The following SBNO2 variants were observed in gnomAD, a reference collection of about 807,000 sequenced individuals.
SBNO2 encodes the protein strawberry notch homolog 2.
In SBNO2, 89 loss-of-function variants were observed where a neutral mutation model predicts 146.3. The ratio of observed to expected loss-of-function variants is 0.61; its 90% CI spans 0.51 to 0.73. The LOEUF (loss-of-function observed/expected upper bound fraction) is 0.73. Ranked by LOEUF, SBNO2 falls within the 30% of genes least tolerant of loss-of-function variation. The probability of loss-of-function intolerance (pLI) is 0.00; values close to 1 mark genes in which losing one functional copy is unlikely to be tolerated. For synonymous variants in SBNO2, 1,147 were observed against 892.6 expected (o/e 1.29, Z -5.08); for missense variants, 2,092 against 2,003.7 (o/e 1.04, Z -0.84).
At chr19:1,161,902 G>A (rs1291188065) in intron 1 of SBNO2, among the ~76,000 whole-genome samples, 1 of 109,322 alleles carries the variant, frequency 9.1e-6, no homozygotes, top group African/African-American at 3.6e-5. Context: ...TCCCTGGGGA[G>A]CCGCGGGGGG....
At chr19:1,166,058 ACCCCAGAC>A in intron 1 of SBNO2, among the ~76,000 whole-genome samples, 2 of 99,064 alleles carry the variant, frequency 2.0e-5, no homozygotes, top group Non-Finnish European at 4.1e-5. Context: ...CAGATCCCAG[ACCCCAGAC>A]CCCCAGATCT....
chr19:1,163,512 C>T (rs2145339915), intron 1 of SBNO2, among the ~76,000 whole-genome samples: 1 of 152,360 alleles, frequency 6.6e-6, no homozygotes, highest in South Asian at 2.1e-4. Flanking sequence ...TGCTCCAGCC[C>T]TGAGCCCCAC....
chr19:1,151,306 G>A (rs2080240253), intron 2 of SBNO2, among the ~76,000 whole-genome samples: 1 of 152,238 alleles, frequency 6.6e-6, no homozygotes. Flanking sequence ...AAGGGGGCGG[G>A]GGGCTTGGGG....
rs774927432 is a variant in SBNO2 at position 1,112,362 on chromosome 19, G to T, written c.2515+40C>A. On this transcript the variant is annotated intron_variant, in intron 21 of 31. Transcript: ENST00000361757. The surrounding 1 kb of genome is among the most constrained non-coding windows in gnomAD (Gnocchi z 5.9). ...GGGGGCGGGGCCGAGACCATGTTGGGGGCGGGGCCAGGCAGCGCTGGGGGC... is the reference window on the plus strand; with the variant it reads ...GGGGGCGGGGCCGAGACCATGTTGGTGGCGGGGCCAGGCAGCGCTGGGGGC... 3 of 1,571,512 alleles carry T rather than the reference G, an allele frequency of 1.9e-6. No individual in the cohort carries two copies. The highest frequency in any genetic ancestry group is 4.6e-5 in the East Asian group (2 of 43,158).
rs376779590 is a variant in SBNO2, at chr19:1,147,418, G to T, written c.170C>A (p.Pro57Gln). 6.8e-7 allele frequency: 1 copy of T among 1,470,900 alleles called. No individual in the cohort carries two copies. The highest frequency in any genetic ancestry group is 9.0e-7 in the Non-Finnish European group (1 of 1,107,786). 91.1% of individuals were successfully genotyped at this position (1,470,900 alleles called of 1,614,324 possible). Residue 57 changes from proline (P) to glutamine (Q), a missense_variant and splice_region_variant, in exon 4 of 32, where the codon CCG (proline) becomes CAG (glutamine). Pro to Gln is a moderately conservative substitution (Grantham distance 76). Transcript: ENST00000361757. The stretch of plus-strand genomic sequence containing the variant: ...GAGGAAGGAGGCGGAGCTCATGAAC[G>T]GGCTGGAGGGAGATGGGGGGGGGGG... The part of the protein sequence containing the change: ...PYPAFSSDSR[P>Q]FMSSASFLGS...
Position 1,116,020 on chromosome 19 carries a change from C to T in SBNO2, c.1885+1G>A. The T allele has an allele frequency of 1.9e-6, 3 of 1,607,416 alleles. No individual in the cohort carries two copies. The highest frequency in any genetic ancestry group is 2.5e-6 in the Non-Finnish European group (3 of 1,178,236). The stretch of plus-strand genomic sequence containing the variant: ...GTGGGGCCATGGGGGGCAGGGCTTA[C>T]GTTTCCGCTTGCTGCCCGCTCCTCT... On this transcript the variant is annotated splice_donor_variant, in intron 17 of 31. Coordinates refer to ENST00000361757, the MANE Select transcript of SBNO2 (RefSeq NM_014963.3). LOFTEE classifies it high-confidence loss of function.
rs1168963715 is a variant in SBNO2 at position 1,108,337 on chromosome 19, G to A, written c.3984C>T (p.Pro1328=). Residue 1328 remains proline (P), a synonymous_variant, in exon 32 of 32, where the codon CCC becomes CCT. Coordinates refer to ENST00000361757, the MANE Select transcript of SBNO2 (RefSeq NM_014963.3). Reference sequence around the variant, plus strand: ...CGCCCTCCCCCAGCGCGCCCTCGGAGGGCGGCCCCGCGTGCAGCGAGCGCA... The same window carrying A: ...CGCCCTCCCCCAGCGCGCCCTCGGAAGGCGGCCCCGCGTGCAGCGAGCGCA... ...DMLRSLHAGP[P]SEGALGEGAG... is the part of the protein sequence containing the mutation. 1.9e-5 allele frequency: 26 copies of A among 1,334,498 alleles called. No individual in the cohort carries two copies. Among genetic ancestry groups the A allele is most frequent in the Non-Finnish European group, 2.4e-5 (25 of 1,040,184 alleles). The allele number at this position is 1,334,498 out of a possible 1,614,324, so 82.7% of individuals were successfully genotyped here.
At position 1,112,923 on chromosome 19, in the gene SBNO2, C is replaced by A; in HGVS notation, c.2274G>T (p.Val758=). ...AGGCCACCGTCCCGTCGGGCCTGGACACCACGCGGCCTTTCCTGCCGGTCA... is the reference window on the plus strand; with the variant it reads ...AGGCCACCGTCCCGTCGGGCCTGGAAACCACGCGGCCTTTCCTGCCGGTCA... ...AEMTGRKGRV[V]SRPDGTVAFE... Residue 758 remains valine (V), a synonymous_variant, in exon 20 of 32, where the codon GTG becomes GTT. Transcript: ENST00000361757. The surrounding 1 kb of genome is among the most constrained non-coding windows in gnomAD (Gnocchi z 5.9). The A allele has an allele frequency of 8.3e-6, 13 of 1,566,418 alleles. No homozygotes were observed. The highest frequency in any genetic ancestry group is 1.1e-5 in the Non-Finnish European group (13 of 1,157,210).
intron 5 of SBNO2, 133 bp downstream of exon 5, chr19:1,127,471 C>T (rs1488050572): frequency 2.7e-5 from 23 of 861,888 alleles, no homozygotes; most frequent in South Asian, 2.5e-4. Flanking sequence ...CCACAGATGG[C>T]GCCGACAGTG....
intron 19 of SBNO2, 128 bp from the exon 20 acceptor site, chr19:1,113,077 GTGCTGGGAAAGGGAGGGCGGGAC>G: frequency 8.6e-7 from 1 of 1,162,900 alleles, no homozygotes; most frequent in Non-Finnish European, 1.2e-6. Context: ...GGAGGTGGGG[GTGCTGGGAAAGGGAGGGCGGGAC>G]TGCTGGACCC....
Position 1,116,883 on chromosome 19 carries a change from C to A in SBNO2, c.1748G>T (p.Arg583Leu). The part of the protein sequence containing the change: ...GLQSTGEART[R>L]EVLGENDGHL... Reference sequence around the variant, plus strand: ...CCCATCGTTCTCCCCCAGCACCTCCCGCGTGCGCGCCTCGCCCGTGGACTG... The same window carrying A: ...CCCATCGTTCTCCCCCAGCACCTCCAGCGTGCGCGCCTCGCCCGTGGACTG... The change falls in exon 16 of 32, where the codon CGG (arginine) becomes CTG (leucine). Residue 583 changes from arginine (R) to leucine (L), a missense_variant. Physicochemically the swap from Arg to Leu is moderately radical, Grantham distance 102. Transcript: ENST00000361757. 6.3e-7 allele frequency: 1 copy of A among 1,582,738 alleles called. No homozygotes were observed.
At chr19:1,170,032 T>C (rs766232019) in intron 1 of SBNO2, among the ~76,000 whole-genome samples, 1 of 152,204 alleles carries the variant, frequency 6.6e-6, no homozygotes, top group Non-Finnish European at 1.5e-5. Context: ...TGGACTGCCC[T>C]GCTCTGCACA....
At chr19:1,161,076 T>C (rs1294345993) in intron 1 of SBNO2, among the ~76,000 whole-genome samples, 1 of 109,516 alleles carries the variant, frequency 9.1e-6, no homozygotes, top group Non-Finnish European at 1.9e-5. Flanking sequence ...GGGGTGGGGG[T>C]GCCTGAGCAC....
rs144733552 is a variant in SBNO2, at chr19:1,144,239, C to T, written c.279+3070G>A. On this transcript the variant is annotated intron_variant, in intron 4 of 31. Transcript: ENST00000361757. This position sits in a 1 kb window ranked among gnomAD's most constrained non-coding sequence, Gnocchi z 4.1. Reference sequence around the variant, plus strand: ...CCACAGGACTGAGCTGACCCACACCCGTCCCATCCCACACTCAGCACTGGG... The same window carrying T: ...CCACAGGACTGAGCTGACCCACACCTGTCCCATCCCACACTCAGCACTGGG... 5.3e-5 allele frequency among the ~76,000 whole-genome samples: 8 copies of T among 151,962 alleles called. No individual in the cohort carries two copies. In the East Asian group the frequency reaches 7.8e-4, roughly 15 times the overall value.
rs2079704602 is a variant in SBNO2 at position 1,108,565 on chromosome 19, G to C, written c.3756C>G (p.Gly1252=). ...AGGTGAGGTCCAGCACCTCTCCGGG[G>C]CCGCAAGGCAGCGCCAGCGGGCGCG... is the stretch of plus-strand genomic sequence containing the variant. ...PAPRPLALPC[G]PGEVLDLTYS... Residue 1252 remains glycine (G), a synonymous_variant, in exon 32 of 32, where the codon GGC becomes GGG. Transcript: ENST00000361757. 1.6e-6 allele frequency: 2 copies of C among 1,240,796 alleles called. No individual in the cohort carries two copies. The highest frequency in any genetic ancestry group is 1.6e-5 in the African/African-American group (1 of 61,766). The allele number at this position is 1,240,796 out of a possible 1,614,324, so 76.9% of individuals were successfully genotyped here.
Position 1,122,263 on chromosome 19 carries a change from G to C in SBNO2, c.1025C>G (p.Thr342Ser). ...GGCGAAGAGGACGCCCTCTGAGGTA[G>C]TGGTGTCACCGTACTTGATCTGGGG... is the stretch of plus-strand genomic sequence containing the variant. ...ALSKIKYGDTTTSEGVLFATY... is the reference protein window; with the variant it reads ...ALSKIKYGDTSTSEGVLFATY... The change falls in exon 11 of 32, where the codon ACT becomes AGT. Residue 342 changes from threonine (T) to serine (S), a missense_variant. By Grantham distance (58) the Thr-to-Ser change is moderately conservative. Coordinates refer to ENST00000361757, the MANE Select transcript of SBNO2 (RefSeq NM_014963.3). 1 of 1,574,960 alleles carries C rather than the reference G, an allele frequency of 6.3e-7. No homozygotes were observed. The highest frequency in any genetic ancestry group is 8.6e-7 in the Non-Finnish European group (1 of 1,160,174).
intron 4 of SBNO2, 109 bp from the exon 5 acceptor site, chr19:1,127,874 G>T: frequency 9.7e-7 from 1 of 1,034,082 alleles, no homozygotes; most frequent in Non-Finnish European, 1.4e-6. Flanking sequence ...ACACACTGGA[G>T]CATGTGGGAA....
At chr19:1,167,723 TG>T (rs898060093) in intron 1 of SBNO2, among the ~76,000 whole-genome samples, 1 of 151,190 alleles carries the variant, frequency 6.6e-6, no homozygotes, top group Non-Finnish European at 1.5e-5. Flanking sequence ...CTCCAGGGGG[TG>T]GGGGGGACGG....
chr19:1,108,480 ACAGCGGCGCCGGGAAAGAGAAGTG>A lies in SBNO2; in HGVS notation c.3817_3840del (p.His1273_Leu1280del). 1 of 1,220,818 alleles carries A rather than the reference ACAGCGGCGCCGGGAAAGAGAAGTG, an allele frequency of 8.2e-7. No homozygotes were observed. The highest frequency in any genetic ancestry group is 1.0e-6 in the Non-Finnish European group (1 of 977,122). 75.6% of individuals were successfully genotyped at this position (1,220,818 alleles called of 1,614,324 possible). A position where few individuals can be genotyped will look rare whatever the true frequency, so the allele number is the denominator to read the frequency against. On this transcript the variant is annotated inframe_deletion, in exon 32 of 32. Transcript: ENST00000361757. ...ACGACGCCGGGGCCGGCGTCCAGGG[ACAGCGGCGCCGGGAAAGAGAAGTG>A]CGGGGGCGGCGGGAAGGCCTCGGCC...
Sources: gnomAD v4.1 joint callset for allele counts (sites outside exome capture counted in the v4.1 genomes callset) on GRCh38, gnomAD v4.1.1 for gene constraint, Gnocchi (gnomAD v3.1) non-coding constraint, MANE v1.5 for transcripts, NCBI Gene and HGNC (gene_info 2026-07-23, HGNC 2026-07-21) for gene names.